Variants in C18orf63 observed in about 807,000 individuals in gnomAD.
C18orf63 encodes the protein chromosome 18 open reading frame 63.
In C18orf63, 50 loss-of-function variants were observed where a neutral mutation model predicts 75.3. The observed-to-expected ratio is 0.66, with a 90% CI of 0.53 to 0.84. The LOEUF is 0.84. Ranked by LOEUF, C18orf63 falls within the 40% of genes least tolerant of loss-of-function variation. C18orf63 has a pLI of 0.00. For missense variants in C18orf63, 732 were observed against 800.2 expected (o/e 0.91, Z 1.03); for synonymous variants, 232 against 267.6 (o/e 0.87, Z 1.30).
intron 2 of C18orf63, 89 bp downstream of exon 2, chr18:74,318,088 T>A: frequency 1.3e-6 from 1 of 743,996 alleles, no homozygotes; most frequent in Non-Finnish European, 1.9e-6. Flanking sequence ...AGCAAAATAC[T>A]CATTCACTCA....
Position 74,342,023 on chromosome 18 carries a change from T to G in C18orf63, c.612-9T>G. On this transcript the variant is annotated splice_polypyrimidine_tract_variant and intron_variant, in intron 8 of 13. Transcript: ENST00000579455. Reference sequence around the variant, plus strand: ...TTGGCTCATAATAGCTTCCTCTCATTTTTCATAGTATGAAAATGGGACAAA... The same window carrying G: ...TTGGCTCATAATAGCTTCCTCTCATGTTTCATAGTATGAAAATGGGACAAA... The G allele has an allele frequency of 7.1e-7, 1 of 1,410,688 alleles. No individual in the cohort carries two copies. The highest frequency in any genetic ancestry group is 1.3e-5 in the South Asian group (1 of 78,846). The allele number at this position is 1,410,688 out of a possible 1,614,324, so 87.4% of individuals were successfully genotyped here.
intron 7 of C18orf63, among the ~76,000 whole-genome samples, chr18:74,332,593 C>G (rs560028602): frequency 6.6e-6 from 1 of 152,084 alleles, no homozygotes; most frequent in East Asian, 1.9e-4. Context: ...ATCCCAGCTA[C>G]TCGGGAGGCT....
At chr18:74,339,591 G>A (rs1247955243) in intron 8 of C18orf63, among the ~76,000 whole-genome samples, 1 of 152,042 alleles carries the variant, frequency 6.6e-6, no homozygotes, top group East Asian at 1.9e-4. Context: ...ACAAGACAAG[G>A]ATGCCCACTC....
intron 7 of C18orf63, 94 bp from the exon 8 acceptor site, chr18:74,338,621 C>A: frequency 2.1e-6 from 1 of 470,326 alleles, no homozygotes; most frequent in Non-Finnish European, 3.6e-6. Context: ...TACTTTATAA[C>A]CTACTGTGTG....
chr18:74,356,473 C>G lies in C18orf63; in HGVS notation c.*34-8C>G, dbSNP rs1984767141. 6.6e-6 allele frequency: 1 copy of G among 152,648 alleles called. No individual in the cohort carries two copies. Among genetic ancestry groups the G allele is most frequent in the African/African-American group, 2.4e-5 (1 of 41,456 alleles). The allele number at this position is 152,648 out of a possible 1,614,324, so 9.5% of individuals were successfully genotyped here. A position where few individuals can be genotyped will look rare whatever the true frequency, so the allele number is the denominator to read the frequency against. On this transcript the variant is annotated splice_polypyrimidine_tract_variant and splice_region_variant and intron_variant, in intron 13 of 13. Transcript: ENST00000579455. ...AAGTAAAAAACCATCTGTAATTTCT[C>G]TTTGCAGAGATGAGCATTCTGAATA...
intron 8 of C18orf63, 56 bp from the exon 9 acceptor site, chr18:74,341,976 C>T (rs972477973): frequency 1.2e-5 from 10 of 829,678 alleles, no homozygotes; most frequent in African/African-American, 1.7e-5. Flanking sequence ...ATGTAGTTGA[C>T]TTATTAAACT....
chr18:74,320,748 T>G (rs1984107128), intron 3 of C18orf63, among the ~76,000 whole-genome samples, 157 bp downstream of exon 3: 1 of 152,228 alleles, frequency 6.6e-6, no homozygotes, highest in Non-Finnish European at 1.5e-5. Context: ...CAAACTAATA[T>G]TGAAATGCCT....
intron 13 of C18orf63, among the ~76,000 whole-genome samples, chr18:74,355,509 G>C (rs184742572): frequency 2.6e-5 from 4 of 152,224 alleles, no homozygotes; most frequent in Middle Eastern, 3.4e-3. Flanking sequence ...ATCCAGGAGG[G>C]GGGGCTTACA....
chr18:74,356,433 G>A (rs1403918503), intron 13 of C18orf63, 48 bp from the exon 14 acceptor site: 1 of 152,570 alleles, frequency 6.6e-6, no homozygotes, highest in East Asian at 1.9e-4. Context: ...GTAGTACAGA[G>A]CAGTTTCAAG....
At chr18:74,334,304 CAAGCAGAAGGGGA>C (rs967296269) in intron 7 of C18orf63, among the ~76,000 whole-genome samples, 2 of 151,178 alleles carry the variant, frequency 1.3e-5, no homozygotes, top group Admixed American at 6.6e-5. Context: ...GGGGAAAGAA[CAAGCAGAAGGGGA>C]AAGAGGAAGG....
At position 74,338,786 on chromosome 18, in the gene C18orf63, A is replaced by G; in HGVS notation, c.573A>G (p.Arg191=). Reference sequence around the variant, plus strand: ...CTAACAAGCATGCTGTCATTGAGAGACATTCCATTTTAAGCAACTGGTGCT... The same window carrying G: ...CTAACAAGCATGCTGTCATTGAGAGGCATTCCATTTTAAGCAACTGGTGCT... The part of the protein sequence containing the change: ...FHANKHAVIE[R]HSILSNWCYV... The change falls in exon 8 of 14, where the codon AGA becomes AGG. Residue 191 remains arginine, a synonymous_variant. Transcript: ENST00000579455. 1 of 1,417,874 alleles carries G rather than the reference A, an allele frequency of 7.1e-7. No individual in the cohort carries two copies. The highest frequency in any genetic ancestry group is 1.6e-5 in the South Asian group (1 of 64,036). The allele number at this position is 1,417,874 out of a possible 1,614,324, so 87.8% of individuals were successfully genotyped here.
At position 74,356,730 on chromosome 18, in the gene C18orf63, C is replaced by A. The variant is rs544691200; in HGVS notation, c.*283C>A. ...TAGTCTGCAGATCTTTGCAAAATAT[C>A]CAATGATCTTATACAGTAGTTTTGA... On this transcript the variant is annotated 3_prime_UTR_variant, in exon 14 of 14. Coordinates refer to ENST00000579455, the MANE Select transcript of C18orf63 (RefSeq NM_001174123.2). 6 of 152,286 alleles carry A rather than the reference C, an allele frequency of 3.9e-5. No homozygotes were observed. In the East Asian group the frequency reaches 1.2e-3, roughly 29 times the overall value. 9.4% of individuals were successfully genotyped at this position (152,286 alleles called of 1,614,324 possible).
chr18:74,327,542 A>G (rs1984229038), intron 4 of C18orf63, among the ~76,000 whole-genome samples: 2 of 152,190 alleles, frequency 1.3e-5, no homozygotes, highest in African/African-American at 4.8e-5. Context: ...TTGGGCTGCA[A>G]GAAATAGCAG....
At chr18:74,332,710 T>C (rs1984329789) in intron 7 of C18orf63, among the ~76,000 whole-genome samples, 1 of 116,510 alleles carries the variant, frequency 8.6e-6, no homozygotes. Context: ...AGACTCCATC[T>C]TAGAGGGGAA....
Position 74,317,892 on chromosome 18 carries a change from G to A in C18orf63, c.27G>A (p.Leu9=). 6.5e-7 allele frequency: 1 copy of A among 1,534,680 alleles called. No individual in the cohort carries two copies. Among genetic ancestry groups the A allele is most frequent in the Non-Finnish European group, 8.7e-7 (1 of 1,146,152 alleles). MNDSRQQS[L]FFITLPDLNK... ...TGAATGATTCTAGGCAGCAGTCTCT[G>A]TTCTTCATCACACTTCCAGATTTAA... Residue 9 remains leucine, a synonymous_variant, in exon 2 of 14, where the codon CTG becomes CTA. Transcript: ENST00000579455.
chr18:74,353,064 A>G (rs1043749787), intron 11 of C18orf63, among the ~76,000 whole-genome samples, 182 bp from the exon 12 acceptor site: 8 of 152,312 alleles, frequency 5.3e-5, no homozygotes, highest in Middle Eastern at 6.8e-3. Context: ...GGAGGATACA[A>G]ACCATAAGAA....
chr18:74,339,161 T>A (rs879590394), intron 8 of C18orf63, among the ~76,000 whole-genome samples: 1 of 152,100 alleles, frequency 6.6e-6, no homozygotes, highest in Non-Finnish European at 1.5e-5. Flanking sequence ...TTCATTATAA[T>A]TTGATATGAG....
At chr18:74,340,934 T>C (rs1568238227) in intron 8 of C18orf63, among the ~76,000 whole-genome samples, 1 of 151,994 alleles carries the variant, frequency 6.6e-6, no homozygotes. Flanking sequence ...CTTCAAAAGA[T>C]CTGTTGTACA....
At chr18:74,318,489 G>A (rs1448226927) in intron 2 of C18orf63, among the ~76,000 whole-genome samples, 3 of 152,050 alleles carry the variant, frequency 2.0e-5, no homozygotes, top group Non-Finnish European at 2.9e-5. Context: ...CCACATAGTC[G>A]TTGAAAAACA....
Sources: allele counts gnomAD v4.1 joint callset (sites outside exome capture counted in the v4.1 genomes callset), GRCh38; gene constraint gnomAD v4.1.1; transcripts MANE v1.5; gene names NCBI Gene and HGNC (gene_info 2026-07-23, HGNC 2026-07-21).